Variants in TMEM163 observed in about 807,000 individuals in gnomAD.
The protein encoded by TMEM163 is transmembrane protein 163.
In TMEM163, 17 loss-of-function variants were observed where a neutral mutation model predicts 29.3. That is an observed-to-expected ratio of 0.58 (90% confidence interval 0.40 to 0.87). TMEM163 has a LOEUF of 0.87. Ranked by LOEUF, TMEM163 falls within the 40% of genes least tolerant of loss-of-function variation. The pLI is 0.00. For missense variants in TMEM163, 303 were observed against 381.5 expected (o/e 0.79, Z 1.71); for synonymous variants, 157 against 160.6 (o/e 0.98, Z 0.17).
intron 2 of TMEM163, among the ~76,000 whole-genome samples, chr2:134,704,706 G>A (rs1021682512): frequency 6.6e-6 from 1 of 151,740 alleles, no homozygotes; most frequent in African/African-American, 2.4e-5. Context: ...TCCAGTGAAG[G>A]CTCCCCCACG....
rs116643319 is a variant in TMEM163 at position 134,483,082 on chromosome 2, G to A, written c.556-16857C>T. Among the ~76,000 whole-genome samples, 1,349 of 152,236 alleles carry A rather than the reference G, an allele frequency of 8.9e-3. 17 individuals are homozygous for A. Among genetic ancestry groups the A allele is most frequent in the African/African-American group, 0.03 (1,260 of 41,520 alleles). ...TAAGGCAGCAGCGGCCGAGGGCTAC[G>A]ACCAGCTCCGTGACAATGAGGGCAC... is the stretch of plus-strand genomic sequence containing the variant. On this transcript the variant is annotated intron_variant, in intron 5 of 7. Coordinates refer to ENST00000281924, the MANE Select transcript of TMEM163 (RefSeq NM_030923.5).
Position 134,625,658 on chromosome 2 carries a change from C to T in TMEM163, c.323-73567G>A, listed in dbSNP as rs62169029. Among the ~76,000 whole-genome samples the T allele has an allele frequency of 4.9e-3, 743 of 152,298 alleles. 4 individuals are homozygous for T. The highest frequency in any genetic ancestry group is 0.023 in the South Asian group (110 of 4,828). ...CAAAACCCAAATAGGTCCTGACTGG[C>T]TGAAAATATCACCTATTGAAAAGAT... On this transcript the variant is annotated intron_variant, in intron 2 of 7. Transcript: ENST00000281924.
chr2:134,503,738 G>A (rs1679752927), intron 4 of TMEM163, among the ~76,000 whole-genome samples: 1 of 152,168 alleles, frequency 6.6e-6, no homozygotes. Context: ...AGGAGCAGGT[G>A]TGCAGTGAGG....
chr2:134,684,377 G>A (rs1684310204), intron 2 of TMEM163, among the ~76,000 whole-genome samples: 1 of 152,174 alleles, frequency 6.6e-6, no homozygotes, highest in Admixed American at 6.5e-5. Context: ...ACAGGCAGCA[G>A]TGCTGTGGGA....
At chr2:134,457,235 ACT>A (rs1686419269) in intron 7 of TMEM163, among the ~76,000 whole-genome samples, 2 of 151,984 alleles carry the variant, frequency 1.3e-5, no homozygotes, top group South Asian at 2.1e-4. Flanking sequence ...ATTGTGAATA[ACT>A]CTGCTGTGAA....
intron 4 of TMEM163, among the ~76,000 whole-genome samples, chr2:134,513,441 G>C (rs1308628544): frequency 6.6e-6 from 1 of 152,188 alleles, no homozygotes; most frequent in African/African-American, 2.4e-5. Flanking sequence ...AAATGCCCTA[G>C]AAAAGCTGGA....
In TMEM163 at chr2:134,553,052, C is replaced by T. The variant is rs1364397699; in HGVS notation, c.323-961G>A. Among the ~76,000 whole-genome samples the T allele has an allele frequency of 2.0e-5, 3 of 152,134 alleles. No individual in the cohort carries two copies. The East Asian group carries it at 5.8e-4, about 29-fold the overall frequency. On this transcript the variant is annotated intron_variant, in intron 2 of 7. Coordinates refer to ENST00000281924, the MANE Select transcript of TMEM163 (RefSeq NM_030923.5). ...AAAGCAATGACAGCTTCAAAGACTT[C>T]TCAATTTGACATAACAAAGGCAGAT...
intron 5 of TMEM163, among the ~76,000 whole-genome samples, chr2:134,489,267 T>A (rs974414302): frequency 2.0e-5 from 3 of 152,128 alleles, no homozygotes; most frequent in African/African-American, 4.8e-5. Flanking sequence ...CTTAAGACTA[T>A]GTTGAGTAAA....
chr2:134,653,643 T>C (rs1683532133), intron 2 of TMEM163, among the ~76,000 whole-genome samples: 1 of 61,646 alleles, frequency 1.6e-5, no homozygotes, highest in Non-Finnish European at 3.0e-5. Flanking sequence ...GATGTTAGGG[T>C]GTCAATTTTG....
intron 1 of TMEM163, among the ~76,000 whole-genome samples, chr2:134,714,615 G>A (rs867438072): frequency 9.2e-5 from 14 of 152,142 alleles, no homozygotes; most frequent in Admixed American, 4.6e-4. Context: ...TGTCAAGAAG[G>A]TTGCTGAGTG....
intron 5 of TMEM163, among the ~76,000 whole-genome samples, chr2:134,471,852 T>C (rs1420938953): frequency 6.6e-6 from 1 of 152,224 alleles, no homozygotes; most frequent in Non-Finnish European, 1.5e-5. Context: ...TGGCAGGACC[T>C]GGAATTGTTC....
rs560259436 is a variant in TMEM163 at position 134,545,078 on chromosome 2, A to G, written c.458+5492T>C. Among the ~76,000 whole-genome samples, 368 of 152,258 alleles carry G rather than the reference A, an allele frequency of 2.4e-3. 2 individuals are homozygous for G. The highest frequency in any genetic ancestry group is 5.2e-3 in the Admixed American group (80 of 15,296). On this transcript the variant is annotated intron_variant, in intron 4 of 7. Coordinates refer to ENST00000281924, the MANE Select transcript of TMEM163 (RefSeq NM_030923.5). ...GTGGATGCAAACCTCTTTTGTTAAA[A>G]CAAATGAGAAAAAACCACACATGCT...
chr2:134,706,385 G>A (rs1001264865), intron 2 of TMEM163, among the ~76,000 whole-genome samples: 4 of 152,190 alleles, frequency 2.6e-5, no homozygotes, highest in Non-Finnish European at 4.4e-5. Flanking sequence ...TCCAACCAGC[G>A]TCTGAGTTTC....
intron 2 of TMEM163, among the ~76,000 whole-genome samples, chr2:134,553,717 C>T (rs1680983020): frequency 6.6e-6 from 1 of 152,210 alleles, no homozygotes; most frequent in Non-Finnish European, 1.5e-5. Context: ...GTTGCTCTTA[C>T]TGGCACAGGG....
chr2:134,517,953 A>G (rs1317242210), intron 4 of TMEM163, among the ~76,000 whole-genome samples: 1 of 151,950 alleles, frequency 6.6e-6, no homozygotes, highest in East Asian at 1.9e-4. Context: ...TCAGATGGAA[A>G]AAAAAAAATG....
intron 5 of TMEM163, among the ~76,000 whole-genome samples, chr2:134,482,650 AC>A (rs1379566468): frequency 6.6e-6 from 1 of 152,046 alleles, no homozygotes; most frequent in Non-Finnish European, 1.5e-5. Flanking sequence ...CACTTTCCCC[AC>A]CCCCAACCAG....
chr2:134,694,558 T>C (rs1458018665), intron 2 of TMEM163, among the ~76,000 whole-genome samples: 5 of 152,226 alleles, frequency 3.3e-5, no homozygotes, highest in African/African-American at 1.2e-4. Flanking sequence ...TCTTTTGTAA[T>C]GCAGAATTCA....
intron 4 of TMEM163, among the ~76,000 whole-genome samples, chr2:134,537,871 G>A (rs1680575949): frequency 6.6e-6 from 1 of 152,122 alleles, no homozygotes; most frequent in Non-Finnish European, 1.5e-5. Context: ...TACTTCAATA[G>A]TACTTTAATA....
chr2:134,512,387 AG>A (rs1242812010), intron 4 of TMEM163, among the ~76,000 whole-genome samples: 1 of 152,160 alleles, frequency 6.6e-6, no homozygotes, highest in Non-Finnish European at 1.5e-5. Flanking sequence ...CGAGCCTGGG[AG>A]GTGGAGGTTG....
Sources: allele counts gnomAD v4.1 joint callset (sites outside exome capture counted in the v4.1 genomes callset), GRCh38; gene constraint gnomAD v4.1.1; transcripts MANE v1.5; gene names NCBI Gene and HGNC (gene_info 2026-07-23, HGNC 2026-07-21).